The following DCDC1 variants were observed in gnomAD, a reference collection of about 807,000 sequenced individuals.
DCDC1 encodes doublecortin domain containing 1, also known as doublecortin domain-containing protein 1.
In DCDC1, 200 loss-of-function variants were observed where a neutral mutation model predicts 178.3. That is an observed-to-expected ratio of 1.12 (90% CI 1.00 to 1.26). The LOEUF is 1.26. Among genes scored for constraint, DCDC1 ranks in the 50% most tolerant of loss-of-function variants. The pLI, the probability that DCDC1 is intolerant of heterozygous loss-of-function variation, is 0.00. For missense variants in DCDC1, 1,983 were observed against 1,749.2 expected (o/e 1.13, Z -2.38); for synonymous variants, 690 against 604.8 (o/e 1.14, Z -2.07).
chr11:31,022,528 A>T (rs1001485643), intron 20 of DCDC1, among the ~76,000 whole-genome samples: 3 of 152,002 alleles, frequency 2.0e-5, no homozygotes, highest in African/African-American at 7.2e-5. Context: ...TCAACCCATG[A>T]GACCTTCTCT....
intron 20 of DCDC1, among the ~76,000 whole-genome samples, chr11:30,962,809 A>C (rs1464209174): frequency 6.6e-6 from 1 of 152,084 alleles, no homozygotes; most frequent in Non-Finnish European, 1.5e-5. Flanking sequence ...CTGGATACAT[A>C]GGAGTAATTT....
intron 20 of DCDC1, among the ~76,000 whole-genome samples, chr11:30,959,345 G>A (rs1481065795): frequency 3.3e-5 from 5 of 152,030 alleles, no homozygotes; most frequent in Admixed American, 1.3e-4. Context: ...TACTGGGCCC[G>A]GTTTACGTGC....
chr11:31,307,445 T>C, intron 4 of DCDC1, 194 bp downstream of exon 4: 3 of 632,508 alleles, frequency 4.7e-6, no homozygotes, highest in Admixed American at 6.4e-5. Flanking sequence ...TTGAAGTGTA[T>C]CTCATATTTC....
rs115474471 is a variant in DCDC1, at chr11:31,287,103, T to G, written c.960+3544A>C. On this transcript the variant is annotated intron_variant, in intron 7 of 38. Coordinates refer to ENST00000684477, the MANE Select transcript of DCDC1 (RefSeq NM_001387274.1). ...CTATGCTCACAACTTTTCAACCAAC[T>G]TTTTAGTTCTTCACTTTTAAATATT... Among the ~76,000 whole-genome samples, 550 of 152,152 alleles carry G rather than the reference T, an allele frequency of 3.6e-3. 1 individual carries two copies. The highest frequency in any genetic ancestry group is 0.013 in the African/African-American group (530 of 41,548).
chr11:31,115,981 T>TTGGGGGG (rs1555066669), intron 11 of DCDC1, among the ~76,000 whole-genome samples: 7 of 38,108 alleles, frequency 1.8e-4, no homozygotes, highest in African/African-American at 2.6e-4. Flanking sequence ...GCTGTGGCAG[T>TTGGGGGG]GGGGGGGGGG....
intron 9 of DCDC1, among the ~76,000 whole-genome samples, chr11:31,220,762 G>A (rs1449134650): frequency 2.0e-5 from 3 of 152,256 alleles, no homozygotes; most frequent in South Asian, 2.1e-4. Context: ...AAATTCCATC[G>A]ACTGGATAGC....
At chr11:31,134,291 C>T (rs1962842111) in intron 10 of DCDC1, among the ~76,000 whole-genome samples, 1 of 152,194 alleles carries the variant, frequency 6.6e-6, no homozygotes, top group African/African-American at 2.4e-5. Context: ...AGACCTCTAA[C>T]TCCAAGAGCA....
At position 30,877,173 on chromosome 11, in the gene DCDC1, G is replaced by A. The variant is rs555196769; in HGVS notation, c.*40+1371C>T. Among the ~76,000 whole-genome samples the A allele has an allele frequency of 6.6e-5, 10 of 152,286 alleles. No homozygotes were observed. The South Asian group carries it at 2.1e-3, about 32-fold the overall frequency. ...AGCCCTACTGATTTGCAGACTGGGA[G>A]TAAATACTAGGCCTTTTGCAGCGAT... On this transcript the variant is annotated intron_variant, in intron 38 of 38. Coordinates refer to ENST00000684477, the MANE Select transcript of DCDC1 (RefSeq NM_001387274.1).
At chr11:31,014,885 T>G (rs1194485685) in intron 20 of DCDC1, among the ~76,000 whole-genome samples, 2 of 152,154 alleles carry the variant, frequency 1.3e-5, no homozygotes, top group Non-Finnish European at 2.9e-5. Flanking sequence ...TTTTAGATAG[T>G]GCTCTACTGT....
intron 33 of DCDC1, 102 bp downstream of exon 33, chr11:30,900,244 T>G: frequency 9.6e-7 from 1 of 1,043,994 alleles, no homozygotes; most frequent in Middle Eastern, 2.2e-4. Context: ...GTTATTATGT[T>G]GATATTATAC....
intron 2 of DCDC1, among the ~76,000 whole-genome samples, chr11:31,332,890 A>G (rs1950074250): frequency 6.6e-6 from 1 of 152,176 alleles, no homozygotes; most frequent in Non-Finnish European, 1.5e-5. Context: ...GTAGATGTCT[A>G]TTAGGTCTCC....
intron 20 of DCDC1, among the ~76,000 whole-genome samples, chr11:30,955,764 T>C (rs991538030): frequency 6.6e-6 from 1 of 152,218 alleles, no homozygotes; most frequent in Non-Finnish European, 1.5e-5. Flanking sequence ...TTAAGATTCA[T>C]GGTCCAGCGT....
At chr11:31,311,871 G>C (rs1320454018) in intron 3 of DCDC1, among the ~76,000 whole-genome samples, 1 of 152,092 alleles carries the variant, frequency 6.6e-6, no homozygotes, top group East Asian at 1.9e-4. Flanking sequence ...AAAATATGTT[G>C]GTAAGAGTCA....
chr11:31,001,995 A>T (rs983702051), intron 20 of DCDC1, among the ~76,000 whole-genome samples: 1 of 152,202 alleles, frequency 6.6e-6, no homozygotes, highest in Non-Finnish European at 1.5e-5. Flanking sequence ...GTGTCAAAAT[A>T]GAAAATTAAA....
At chr11:30,958,228 G>C (rs1948880032) in intron 20 of DCDC1, among the ~76,000 whole-genome samples, 1 of 152,136 alleles carries the variant, frequency 6.6e-6, no homozygotes, top group Admixed American at 6.6e-5. Flanking sequence ...GAATTTTGAG[G>C]AAAAAGTATG....
intron 9 of DCDC1, among the ~76,000 whole-genome samples, chr11:31,187,705 CA>C: frequency 6.6e-6 from 1 of 152,268 alleles, no homozygotes; most frequent in East Asian, 1.9e-4. Context: ...GTTAGGAAAT[CA>C]AAGGATCCAG....
In DCDC1 at chr11:30,978,828, C is replaced by CACACACACACACACA. The variant is rs1565147912; in HGVS notation, c.2592-26261_2592-26260insTGTGTGTGTGTGTGT. Reference sequence around the variant, plus strand: ...CACACACACACACACACACACACACCCCCTTCTCAGCCTCTGGTATCTATC... The same window carrying CACACACACACACACA: ...CACACACACACACACACACACACACCACACACACACACACACCCTTCTCAGCCTCTGGTATCTATC... On this transcript the variant is annotated intron_variant, in intron 20 of 38. Transcript: ENST00000684477. Among the ~76,000 whole-genome samples the CACACACACACACACA allele has an allele frequency of 7.8e-4, 99 of 127,150 alleles. 1 individual carries two copies. The highest frequency in any genetic ancestry group is 4.1e-3 in the Middle Eastern group (1 of 242). The allele number at this position is 127,150 out of a possible 152,430, so 83.4% of individuals were successfully genotyped here.
Position 31,307,846 on chromosome 11 carries a change from T to A in DCDC1, c.227A>T (p.Gln76Leu). Residue 76 changes from glutamine to leucine, a missense_variant, in exon 4 of 39, where the codon CAG (glutamine) becomes CTG (leucine). Physicochemically the swap from Gln to Leu is moderately radical, Grantham distance 113. Coordinates refer to ENST00000684477, the MANE Select transcript of DCDC1 (RefSeq NM_001387274.1). ...ATGCACGAGTCTGTTGGGGCCAAAC[T>A]GAGACTGCAAATAATCATCAGTAGT... ...IKTTDDYLQS[Q>L]FGPNRLVHSA... is the part of the protein sequence containing the mutation. The A allele has an allele frequency of 6.2e-7, 1 of 1,614,152 alleles. No individual in the cohort carries two copies. The highest frequency in any genetic ancestry group is 1.1e-5 in the South Asian group (1 of 91,086).
intron 21 of DCDC1, among the ~76,000 whole-genome samples, chr11:30,944,959 CTTTTTTTTTTT>C (rs34334567): frequency 7.0e-4 from 46 of 65,522 alleles, no homozygotes; most frequent in Non-Finnish European, 1.1e-3. Context: ...ACAAAAATGT[CTTTTTTTTTTT>C]TTTTTTTTTT....
Sources: gnomAD v4.1 joint callset for allele counts (sites outside exome capture counted in the v4.1 genomes callset) on GRCh38, gnomAD v4.1.1 for gene constraint, MANE v1.5 for transcripts, NCBI Gene and HGNC (gene_info 2026-07-23, HGNC 2026-07-21) for gene names.